PRKAR1A: variants seen among roughly 807,000 people sequenced by gnomAD.
The protein encoded by PRKAR1A is protein kinase cAMP-dependent type I regulatory subunit alpha, also known as cAMP-dependent protein kinase type I-alpha regulatory subunit.
In PRKAR1A, 3 loss-of-function variants were observed where a neutral mutation model predicts 52.0. That is an observed-to-expected ratio of 0.06 (90% CI 0.03 to 0.15). The LOEUF (loss-of-function observed/expected upper bound fraction) is 0.15. Ranked by LOEUF, PRKAR1A falls within the 10% of genes least tolerant of loss-of-function variation. PRKAR1A has a pLI of 1.00. For missense variants in PRKAR1A, 240 were observed against 477.4 expected, an observed-to-expected ratio of 0.50 and a Z score of 4.63; for synonymous variants, 188 against 168.4, an observed-to-expected ratio of 1.12 and a Z score of -0.90.
the PRKAR1A span, among the ~76,000 whole-genome samples, chr17:68,503,516 A>G: frequency 6.6e-6 from 1 of 152,212 alleles, no homozygotes; most frequent in South Asian, 2.1e-4. Flanking sequence ...ATAAAAAGAA[A>G]TGAGCTATCC....
At chr17:68,542,848 CAG>C in intron 11 of PRKAR1A, 2 of 1,504,492 alleles carry the variant, frequency 1.3e-6, no homozygotes, top group Non-Finnish European at 9.2e-7. Flanking sequence ...GAGGGATGAT[CAG>C]GGAGTGAGGA....
chr17:68,496,817 A>ATTTT, the PRKAR1A span, among the ~76,000 whole-genome samples: 1 of 75,530 alleles, frequency 1.3e-5, no homozygotes, highest in African/African-American at 4.9e-5. Flanking sequence ...CTTAGTTTTT[A>ATTTT]CTTTTTTTTT....
rs2086018153 is a variant in PRKAR1A at position 68,532,980 on chromosome 17, T to A, written c.*2531T>A. The A allele has an allele frequency of 2.8e-6, 3 of 1,065,832 alleles. No individual in the cohort carries two copies. The highest frequency in any genetic ancestry group is 1.6e-5 in the African/African-American group (1 of 61,104). 66.0% of individuals were successfully genotyped at this position (1,065,832 alleles called of 1,614,324 possible). A position where few individuals can be genotyped will look rare whatever the true frequency, so the allele number is the denominator to read the frequency against. ...AAGGGTAATTGAGATGTAGCAGATT[T>A]ATTTACTTAGTCATGGAAAGAAAAA... is the stretch of plus-strand genomic sequence containing the variant. On this transcript the variant is annotated 3_prime_UTR_variant, in exon 11 of 11. Coordinates refer to ENST00000589228, the MANE Select transcript of PRKAR1A (RefSeq NM_002734.5).
chr17:68,421,865 G>T, the PRKAR1A span: 1 of 1,609,170 alleles, frequency 6.2e-7, no homozygotes, highest in Non-Finnish European at 8.5e-7. Flanking sequence ...TCAGGAAGAG[G>T]CTGGTAGGCA....
downstream of PRKAR1A, chr17:68,536,246 G>C (rs1206754362): frequency 4.4e-6 from 2 of 453,990 alleles, no homozygotes; most frequent in Non-Finnish European, 8.8e-6. Context: ...CTATTCTCAT[G>C]CTTACAGTAT....
chr17:68,428,968 A>G, the PRKAR1A span: 1 of 1,551,280 alleles, frequency 6.4e-7, no homozygotes, highest in Non-Finnish European at 8.9e-7. Flanking sequence ...AACCGTGATG[A>G]CAACGAAGAT....
chr17:68,424,215 GAT>G, the PRKAR1A span, among the ~76,000 whole-genome samples: 2 of 152,202 alleles, frequency 1.3e-5, no homozygotes, highest in African/African-American at 4.8e-5. Context: ...CCGCCACTGA[GAT>G]ATAAACTTCA....
At position 68,542,158 on chromosome 17, in the gene PRKAR1A, G is replaced by A. The variant is rs367996001; in HGVS notation, c.974-8926G>A. Reference sequence around the variant, plus strand: ...ATGGACACTTGGCGAAGAAGCACACGTTGCTCGCTGGAGGATGGGGAGGAG... The same window carrying A: ...ATGGACACTTGGCGAAGAAGCACACATTGCTCGCTGGAGGATGGGGAGGAG... On this transcript the variant is annotated intron_variant, in intron 11 of 11. Transcript: ENST00000585981. 15 of 1,613,796 alleles carry A rather than the reference G, an allele frequency of 9.3e-6. No individual in the cohort carries two copies. The African/African-American group carries it at 1.2e-4, about 13-fold the overall frequency.
chr17:68,454,121 C>T, the PRKAR1A span, among the ~76,000 whole-genome samples: 6 of 152,312 alleles, frequency 3.9e-5, no homozygotes, highest in South Asian at 2.1e-4. Context: ...AAAGACAGGA[C>T]GTGAATCCAG....
intron 11 of PRKAR1A, among the ~76,000 whole-genome samples, chr17:68,545,333 T>C (rs928664350): frequency 6.6e-6 from 1 of 152,200 alleles, no homozygotes; most frequent in Non-Finnish European, 1.5e-5. Flanking sequence ...ATATTGCAGG[T>C]TTGCTTCTAG....
At chr17:68,536,161 C>T (rs1321262914), downstream of PRKAR1A, 3 of 453,990 alleles carry the variant, frequency 6.6e-6, no homozygotes, top group Non-Finnish European at 1.3e-5. Flanking sequence ...TCGAGGCTAT[C>T]TTTGCTCACA....
At chr17:68,527,763 ATATT>A in intron 7 of PRKAR1A, 73 bp from the exon 8 acceptor site, 22 of 1,228,512 alleles carry the variant, frequency 1.8e-5, no homozygotes, top group Non-Finnish European at 2.5e-5. Flanking sequence ...TTGAAACTTA[ATATT>A]TATTATTCCA....
intron 7 of PRKAR1A, 125 bp from the exon 8 acceptor site, chr17:68,527,715 A>G: frequency 2.5e-6 from 2 of 786,878 alleles, no homozygotes; most frequent in Non-Finnish European, 4.1e-6. Flanking sequence ...TTCCTCATTA[A>G]AAGCAACAAG....
the PRKAR1A span, among the ~76,000 whole-genome samples, chr17:68,465,789 G>C: frequency 6.6e-6 from 1 of 152,012 alleles, no homozygotes; most frequent in Middle Eastern, 3.2e-3. Context: ...TTCTTGAGCT[G>C]TGATGAGTGT....
Position 68,529,908 on chromosome 17 carries a change from A to G in PRKAR1A, c.892-12A>G, listed in dbSNP as rs2085916713. On this transcript the variant is annotated splice_polypyrimidine_tract_variant and intron_variant, in intron 9 of 10. Transcript: ENST00000589228. ...TGTGTGTTTGTTTAGCTTTTTGGTG[A>G]TTTTATTATAGGGGTCAGCTGCTGT... 1 of 1,613,584 alleles carries G rather than the reference A, an allele frequency of 6.2e-7. No individual in the cohort carries two copies. The highest frequency in any genetic ancestry group is 1.1e-5 in the South Asian group (1 of 91,078).
At chr17:68,537,324 T>C (rs1397398760), downstream of PRKAR1A, 9 of 947,454 alleles carry the variant, frequency 9.5e-6, no homozygotes, top group East Asian at 5.1e-5. The surrounding 1 kb of genome is among the most constrained non-coding windows in gnomAD (Gnocchi z 4.2). Context: ...TTCAGTTCCA[T>C]GGGCCCCACT....
chr17:68,474,949 AT>A, the PRKAR1A span, among the ~76,000 whole-genome samples: 4 of 152,218 alleles, frequency 2.6e-5, no homozygotes, highest in Admixed American at 6.5e-5. Flanking sequence ...ACTTAAGTAA[AT>A]TTTAAAAAAA....
At chr17:68,431,971 G>C in the PRKAR1A span, among the ~76,000 whole-genome samples, 1 of 152,182 alleles carries the variant, frequency 6.6e-6, no homozygotes, top group African/African-American at 2.4e-5. Flanking sequence ...CCGCCCTCTA[G>C]TGCTCAAACC....
At chr17:68,426,254 G>GGGGGCCCCCC in the PRKAR1A span, 1 of 816,916 alleles carries the variant, frequency 1.2e-6, no homozygotes, top group Non-Finnish European at 1.9e-6. Flanking sequence ...GGGAGCGGGG[G>GGGGGCCCCCC]CTCAAATAAA....
Sources: allele counts gnomAD v4.1 joint callset (sites outside exome capture counted in the v4.1 genomes callset), GRCh38; gene constraint gnomAD v4.1.1; non-coding constraint Gnocchi (gnomAD v3.1); transcripts MANE v1.5; gene names NCBI Gene and HGNC (gene_info 2026-07-23, HGNC 2026-07-21).